The following FHIT variants were observed in gnomAD, a reference collection of about 807,000 sequenced individuals.
The protein encoded by FHIT is bis(5'-adenosyl)-triphosphatase.
Under a neutral mutation model 17.9 loss-of-function variants are expected in FHIT, and 19 were observed. The observed-to-expected ratio is 1.06, with a 90% CI of 0.74 to 1.56. The LOEUF (loss-of-function observed/expected upper bound fraction) is 1.56, where lower values mean the gene tolerates loss of function less well. Among genes scored for constraint, FHIT ranks in the 40% most tolerant of loss-of-function variants. The pLI is 0.00. For missense variants in FHIT, 248 were observed against 189.2 expected, an observed-to-expected ratio of 1.31 and a Z score of -1.82; for synonymous variants, 81 against 69.7, an observed-to-expected ratio of 1.16 and a Z score of -0.81.
At chr3:60,497,043 G>A (rs1297008271) in intron 5 of FHIT, among the ~76,000 whole-genome samples, 1 of 152,116 alleles carries the variant, frequency 6.6e-6, no homozygotes, top group Admixed American at 6.5e-5. Context: ...CTCTAAAGCA[G>A]TTCTCAAAAG....
chr3:59,902,739 A>G (rs1206062603), intron 8 of FHIT, among the ~76,000 whole-genome samples: 1 of 152,212 alleles, frequency 6.6e-6, no homozygotes, highest in Non-Finnish European at 1.5e-5. Context: ...TGTAACCTAA[A>G]ATATTCAAAC....
chr3:60,530,031 T>C (rs1024569034), intron 5 of FHIT, among the ~76,000 whole-genome samples: 1 of 152,112 alleles, frequency 6.6e-6, no homozygotes, highest in African/African-American at 2.4e-5. Flanking sequence ...AAAATGACAG[T>C]TGAATTTTTC....
intron 3 of FHIT, among the ~76,000 whole-genome samples, chr3:60,875,661 G>T (rs1019566860): frequency 6.6e-6 from 1 of 151,876 alleles, no homozygotes; most frequent in Admixed American, 6.6e-5. Context: ...GATAATTTTT[G>T]AGCTCTTAGT....
At chr3:61,019,464 A>G (rs1438186627) in intron 3 of FHIT, among the ~76,000 whole-genome samples, 3 of 152,250 alleles carry the variant, frequency 2.0e-5, no homozygotes, top group African/African-American at 7.2e-5. Context: ...AATAAGCCCA[A>G]TCATTAAGTA....
intron 1 of FHIT, among the ~76,000 whole-genome samples, chr3:61,244,952 A>C (rs11130836): frequency 1.3e-5 from 2 of 152,028 alleles, no homozygotes; most frequent in Non-Finnish European, 2.9e-5. Flanking sequence ...CTTTTGTTAC[A>C]GGGGAGTCAA....
intron 2 of FHIT, among the ~76,000 whole-genome samples, chr3:61,177,007 C>G (rs1250261008): frequency 6.6e-6 from 1 of 152,128 alleles, no homozygotes; most frequent in African/African-American, 2.4e-5. Context: ...AACCCCGTCT[C>G]TACTAAAAAT....
At chr3:60,253,395 T>C (rs1559763914) in intron 5 of FHIT, among the ~76,000 whole-genome samples, 1 of 152,208 alleles carries the variant, frequency 6.6e-6, no homozygotes. Flanking sequence ...TGATGTGAAA[T>C]GAAACAAATG....
chr3:61,015,491 T>C (rs1257982440), intron 3 of FHIT, among the ~76,000 whole-genome samples: 2 of 152,168 alleles, frequency 1.3e-5, no homozygotes, highest in African/African-American at 2.4e-5. Flanking sequence ...TCTAATTAAT[T>C]ACATCTCAGG....
intron 4 of FHIT, among the ~76,000 whole-genome samples, chr3:60,592,180 T>C (rs1428741470): frequency 2.0e-5 from 3 of 147,824 alleles, no homozygotes; most frequent in African/African-American, 4.9e-5. Context: ...ATTATATATA[T>C]ATTATCTCTC....
intron 3 of FHIT, among the ~76,000 whole-genome samples, chr3:60,844,879 C>T (rs531956812): frequency 5.1e-4 from 78 of 152,106 alleles, no homozygotes; most frequent in Non-Finnish European, 9.4e-4. Flanking sequence ...ATTCTTGGTC[C>T]CCTATGACCC....
At chr3:61,071,014 G>A (rs961824781) in intron 2 of FHIT, among the ~76,000 whole-genome samples, 1 of 152,094 alleles carries the variant, frequency 6.6e-6, no homozygotes, top group Non-Finnish European at 1.5e-5. Context: ...TTCAATTTGG[G>A]TAGAGATACA....
At chr3:59,918,170 A>G (rs1173341450) in intron 8 of FHIT, among the ~76,000 whole-genome samples, 1 of 152,192 alleles carries the variant, frequency 6.6e-6, no homozygotes, top group Non-Finnish European at 1.5e-5. Context: ...CTTTTAAATT[A>G]TGTTAGAACT....
chr3:60,159,051 C>G (rs189849453), intron 5 of FHIT, among the ~76,000 whole-genome samples: 1 of 152,216 alleles, frequency 6.6e-6, no homozygotes, highest in East Asian at 1.9e-4. Context: ...TATTACCCCC[C>G]AAGGAGCCTC....
chr3:60,537,837 C>T (rs2036041183), intron 4 of FHIT, among the ~76,000 whole-genome samples: 1 of 152,158 alleles, frequency 6.6e-6, no homozygotes, highest in Non-Finnish European at 1.5e-5. Context: ...AACACCATCC[C>T]TAGAAAACTA....
chr3:60,134,289 T>C (rs1031782765), intron 5 of FHIT, among the ~76,000 whole-genome samples: 2 of 152,336 alleles, frequency 1.3e-5, no homozygotes, highest in East Asian at 1.9e-4. Context: ...TTTTATGGTC[T>C]GTAACATACT....
rs377500660 is a variant in FHIT at position 59,963,119 on chromosome 3, T to C, written c.280-40705A>G. On this transcript the variant is annotated intron_variant, in intron 7 of 9. Coordinates refer to ENST00000492590, the MANE Select transcript of FHIT (RefSeq NM_002012.4). ...AAATACACACACATAAAAAAAAATTTGCTGGGCATGGTGGCAGGCACCTGT... is the reference window on the plus strand; with the variant it reads ...AAATACACACACATAAAAAAAAATTCGCTGGGCATGGTGGCAGGCACCTGT... Among the ~76,000 whole-genome samples, 8 of 152,030 alleles carry C rather than the reference T, an allele frequency of 5.3e-5. No individual in the cohort carries two copies. In the South Asian group the frequency reaches 1.3e-3, roughly 24 times the overall value.
At chr3:60,198,204 T>A (rs753575294) in intron 5 of FHIT, among the ~76,000 whole-genome samples, 2 of 152,072 alleles carry the variant, frequency 1.3e-5, no homozygotes, top group Non-Finnish European at 2.9e-5. Context: ...TGGAGAGAAA[T>A]CAAATACATC....
Position 60,177,500 on chromosome 3 carries a change from T to C in FHIT, c.104-163348A>G, listed in dbSNP as rs148912915. Among the ~76,000 whole-genome samples the C allele has an allele frequency of 5.4e-3, 816 of 152,308 alleles. 1 individual carries two copies. Among genetic ancestry groups the C allele is most frequent in the African/African-American group, 0.018 (740 of 41,590 alleles). On this transcript the variant is annotated intron_variant, in intron 5 of 9. Coordinates refer to ENST00000492590, the MANE Select transcript of FHIT (RefSeq NM_002012.4). The stretch of plus-strand genomic sequence containing the variant: ...GAGGTAAAAGGAATGATTCTAACTA[T>C]AGTCCCTTCGCATAGAAGTAGGTCA...
At chr3:60,487,480 C>G (rs71313774) in intron 5 of FHIT, among the ~76,000 whole-genome samples, 1 of 152,160 alleles carries the variant, frequency 6.6e-6, no homozygotes, top group African/African-American at 2.4e-5. Flanking sequence ...TTCTGCTCTA[C>G]GACACCTGGA....
Sources: gnomAD v4.1 joint callset for allele counts (sites outside exome capture counted in the v4.1 genomes callset) on GRCh38, gnomAD v4.1.1 for gene constraint, MANE v1.5 for transcripts, NCBI Gene and HGNC (gene_info 2026-07-23, HGNC 2026-07-21) for gene names.